Variants in RAP1GDS1 observed in about 807,000 individuals in gnomAD.
RAP1GDS1 encodes the protein Rap1 GTPase-GDP dissociation stimulator 1, also known as RAP1, GTP-GDP dissociation stimulator 1.
Under a neutral mutation model 71.1 loss-of-function variants are expected in RAP1GDS1, and 35 were observed. The ratio of observed to expected loss-of-function variants is 0.49; its 90% CI spans 0.38 to 0.65. The LOEUF is 0.65. Among genes scored for constraint, RAP1GDS1 ranks in the 30% least tolerant of loss-of-function variants. The pLI is 0.00. For synonymous variants in RAP1GDS1, 229 were observed against 243.1 expected (o/e 0.94, Z 0.54); for missense variants, 663 against 706.1 (o/e 0.94, Z 0.69).
intron 2 of RAP1GDS1, among the ~76,000 whole-genome samples, chr4:98,326,796 G>A (rs1733164949): frequency 6.6e-6 from 1 of 152,186 alleles, no homozygotes; most frequent in African/African-American, 2.4e-5. Flanking sequence ...TTAGTCATGT[G>A]AGCCATGGTG....
In RAP1GDS1 at chr4:98,391,832, C is replaced by T. The variant is rs1206991959; in HGVS notation, c.509-120C>T. 3.1e-6 allele frequency: 3 copies of T among 962,136 alleles called. No homozygotes were observed. In the African/African-American group the frequency reaches 5.0e-5, roughly 16 times the overall value. The allele number at this position is 962,136 out of a possible 1,614,324, so 59.6% of individuals were successfully genotyped here. A position where few individuals can be genotyped will look rare whatever the true frequency, so the allele number is the denominator to read the frequency against. ...TATGAATGGACTTCATTTTCTATTA[C>T]TGTAATTTAAATAACTTTGAGTTTC... is the stretch of plus-strand genomic sequence containing the variant. On this transcript the variant is annotated intron_variant, in intron 5 of 14. Transcript: ENST00000408927.
chr4:98,303,947 T>C (rs1728944570), intron 2 of RAP1GDS1, among the ~76,000 whole-genome samples: 1 of 152,162 alleles, frequency 6.6e-6, no homozygotes, highest in South Asian at 2.1e-4. Context: ...AGTAAGAACA[T>C]GCAGTGTTTG....
intron 1 of RAP1GDS1, among the ~76,000 whole-genome samples, chr4:98,283,746 A>C (rs1224363505): frequency 6.6e-6 from 1 of 152,044 alleles, no homozygotes; most frequent in Non-Finnish European, 1.5e-5. Flanking sequence ...ATTGAAAGCT[A>C]AAGTGTGTAT....
intron 10 of RAP1GDS1, among the ~76,000 whole-genome samples, chr4:98,419,707 G>A (rs549208648): frequency 3.3e-5 from 5 of 152,244 alleles, no homozygotes; most frequent in Admixed American, 6.5e-5. Context: ...GCTTTTTGTT[G>A]TAAGAGGGTA....
intron 2 of RAP1GDS1, among the ~76,000 whole-genome samples, chr4:98,328,891 C>T (rs890686688): frequency 6.6e-6 from 1 of 152,218 alleles, no homozygotes; most frequent in African/African-American, 2.4e-5. Flanking sequence ...GATTTGATCA[C>T]ACGGTATTCC....
intron 5 of RAP1GDS1, among the ~76,000 whole-genome samples, chr4:98,387,986 A>T (rs1743016076): frequency 6.6e-6 from 1 of 152,148 alleles, no homozygotes; most frequent in African/African-American, 2.4e-5. Context: ...ACTCCTGATA[A>T]CATTCATGAT....
At chr4:98,412,643 G>A (rs1189564760) in intron 7 of RAP1GDS1, among the ~76,000 whole-genome samples, 2 of 152,162 alleles carry the variant, frequency 1.3e-5, no homozygotes, top group Non-Finnish European at 2.9e-5. Context: ...GATGAGTAAG[G>A]TGTATCTATT....
At chr4:98,332,836 A>G (rs1560853700) in intron 2 of RAP1GDS1, among the ~76,000 whole-genome samples, 1 of 152,172 alleles carries the variant, frequency 6.6e-6, no homozygotes, top group Non-Finnish European at 1.5e-5. Flanking sequence ...TATTTTTAGT[A>G]TCAAAGCTCA....
At chr4:98,278,926 A>G (rs1230305891) in intron 1 of RAP1GDS1, among the ~76,000 whole-genome samples, 1 of 152,174 alleles carries the variant, frequency 6.6e-6, no homozygotes, top group Non-Finnish European at 1.5e-5. Context: ...TCATAGTATA[A>G]TAATAGGGCC....
intron 2 of RAP1GDS1, among the ~76,000 whole-genome samples, chr4:98,337,636 A>C (rs1734891398): frequency 6.6e-6 from 1 of 152,222 alleles, no homozygotes; most frequent in Admixed American, 6.5e-5. Flanking sequence ...CACAGTGTTT[A>C]TGGAAGTCAG....
intron 2 of RAP1GDS1, among the ~76,000 whole-genome samples, chr4:98,321,729 T>C (rs1731945461): frequency 8.6e-6 from 1 of 116,626 alleles, no homozygotes; most frequent in African/African-American, 3.4e-5. Flanking sequence ...TGAGAGATTT[T>C]GTCACCACCA....
intron 5 of RAP1GDS1, among the ~76,000 whole-genome samples, chr4:98,388,496 C>T (rs746179122): frequency 2.0e-5 from 3 of 152,128 alleles, no homozygotes; most frequent in Non-Finnish European, 2.9e-5. Flanking sequence ...GAGGCCGAGG[C>T]GGATGGATCG....
At position 98,261,585 on chromosome 4, in the gene RAP1GDS1, T is replaced by A; in HGVS notation, c.4+16T>A. On this transcript the variant is annotated intron_variant, in intron 1 of 14. Coordinates refer to ENST00000408927, the MANE Select transcript of RAP1GDS1 (RefSeq NM_001100427.2). Reference sequence around the variant, plus strand: ...AGCAACATGGGTAAGTCATCCTTCCTCCGCCGTCATCGCCTGACATTTTTT... The same window carrying A: ...AGCAACATGGGTAAGTCATCCTTCCACCGCCGTCATCGCCTGACATTTTTT... 2 of 1,597,916 alleles carry A rather than the reference T, an allele frequency of 1.3e-6. No individual in the cohort carries two copies. Among genetic ancestry groups the A allele is most frequent in the South Asian group, 2.2e-5 (2 of 89,378 alleles).
In RAP1GDS1 at chr4:98,308,297, C is replaced by CACTA. The variant is rs1239038228; in HGVS notation, c.112+14782_112+14783insACTA. Among the ~76,000 whole-genome samples the CACTA allele has an allele frequency of 2.2e-4, 16 of 73,202 alleles. 1 individual carries two copies. The South Asian group carries it at 3.1e-3, about 14-fold the overall frequency. The allele number at this position is 73,202 out of a possible 152,430, so 48.0% of individuals were successfully genotyped here. ...ACACACATATATATACACACACACA[C>CACTA]TATATATATATATATATATATATAT... On this transcript the variant is annotated intron_variant, in intron 2 of 14. Transcript: ENST00000408927.
intron 2 of RAP1GDS1, among the ~76,000 whole-genome samples, chr4:98,316,526 T>C (rs1406206123): frequency 2.0e-5 from 3 of 152,046 alleles, no homozygotes; most frequent in Non-Finnish European, 4.4e-5. Flanking sequence ...TTCAGGATGA[T>C]GGCAGGAGTT....
chr4:98,403,666 A>G (rs1161516359), intron 6 of RAP1GDS1, among the ~76,000 whole-genome samples: 3 of 152,208 alleles, frequency 2.0e-5, no homozygotes, highest in Non-Finnish European at 2.9e-5. Context: ...GTGCTATGGA[A>G]GAGCATTGGA....
At chr4:98,398,932 A>G (rs912276375) in intron 6 of RAP1GDS1, among the ~76,000 whole-genome samples, 5 of 152,230 alleles carry the variant, frequency 3.3e-5, no homozygotes, top group Admixed American at 6.5e-5. Flanking sequence ...GAATACCAGC[A>G]ACTAGAAGGA....
intron 1 of RAP1GDS1, among the ~76,000 whole-genome samples, chr4:98,290,372 C>G (rs1443169837): frequency 6.6e-6 from 1 of 152,072 alleles, no homozygotes; most frequent in Non-Finnish European, 1.5e-5. Flanking sequence ...TCTTCACAGT[C>G]AAGTGTATTC....
At chr4:98,339,738 G>T (rs1735215697) in intron 2 of RAP1GDS1, among the ~76,000 whole-genome samples, 1 of 152,118 alleles carries the variant, frequency 6.6e-6, no homozygotes, top group African/African-American at 2.4e-5. Flanking sequence ...AGTGCAAAAA[G>T]TATATATGAA....
Sources: allele counts gnomAD v4.1 joint callset (sites outside exome capture counted in the v4.1 genomes callset), GRCh38; gene constraint gnomAD v4.1.1; transcripts MANE v1.5; gene names NCBI Gene and HGNC (gene_info 2026-07-23, HGNC 2026-07-21).